Variants in STAG1 observed in about 807,000 individuals in gnomAD.
The protein encoded by STAG1 is STAG1 cohesin complex component, also known as cohesin subunit SA-1.
A neutral mutation model predicts 170.9 loss-of-function variants in STAG1; 26 were observed. The ratio of observed to expected loss-of-function variants is 0.15; its 90% CI spans 0.11 to 0.21. The LOEUF (loss-of-function observed/expected upper bound fraction) is 0.21, where lower values mean the gene tolerates loss of function less well. Among genes scored for constraint, STAG1 ranks in the 10% least tolerant of loss-of-function variants. STAG1 has a pLI of 1.00. For missense variants in STAG1, 964 were observed against 1,509.5 expected (o/e 0.64, Z 5.99); for synonymous variants, 514 against 497.7 (o/e 1.03, Z -0.44).
chr3:136,476,848 C>A (rs1027953082), intron 10 of STAG1, among the ~76,000 whole-genome samples: 1 of 152,006 alleles, frequency 6.6e-6, no homozygotes, highest in Non-Finnish European at 1.5e-5. Flanking sequence ...AGTCAGAAGG[C>A]AGAATTAGAT....
At chr3:136,586,588 C>T (rs546757759) in intron 4 of STAG1, among the ~76,000 whole-genome samples, 1 of 152,302 alleles carries the variant, frequency 6.6e-6, no homozygotes, top group East Asian at 1.9e-4. Context: ...CTTCAAGGAT[C>T]TAGCTCTAAG....
chr3:136,587,153 ACTTT>A (rs1416510839), intron 4 of STAG1, among the ~76,000 whole-genome samples: 4 of 151,702 alleles, frequency 2.6e-5, no homozygotes, highest in Non-Finnish European at 2.9e-5. Flanking sequence ...AATTTCAGAG[ACTTT>A]CTAATTATGT....
At chr3:136,691,958 C>A (rs537830448) in intron 1 of STAG1, among the ~76,000 whole-genome samples, 5 of 152,236 alleles carry the variant, frequency 3.3e-5, no homozygotes, top group African/African-American at 1.2e-4. Context: ...TATTGTCCTT[C>A]CCCAGTGAAG....
At chr3:136,613,057 C>T (rs1939383010) in intron 3 of STAG1, among the ~76,000 whole-genome samples, 1 of 152,020 alleles carries the variant, frequency 6.6e-6, no homozygotes, top group Non-Finnish European at 1.5e-5. Context: ...AATCCCAGCA[C>T]TTTGGGAGGC....
At chr3:136,655,590 C>T (rs991388025) in intron 1 of STAG1, among the ~76,000 whole-genome samples, 4 of 152,174 alleles carry the variant, frequency 2.6e-5, no homozygotes, top group Non-Finnish European at 5.9e-5. Flanking sequence ...TGGTGACACC[C>T]CATTTCTACT....
intron 23 of STAG1, among the ~76,000 whole-genome samples, chr3:136,370,132 A>C (rs1937251462): frequency 6.6e-6 from 1 of 152,048 alleles, no homozygotes. Flanking sequence ...ATGATTTTAG[A>C]GTGTACTCCT....
chr3:136,569,314 A>G (rs1223417312), intron 4 of STAG1, among the ~76,000 whole-genome samples: 1 of 151,948 alleles, frequency 6.6e-6, no homozygotes, highest in Non-Finnish European at 1.5e-5. Flanking sequence ...AAGAAATCAA[A>G]TAACTGAATT....
At chr3:136,342,940 T>C (rs756312775) in intron 30 of STAG1, among the ~76,000 whole-genome samples, 2 of 152,214 alleles carry the variant, frequency 1.3e-5, no homozygotes, top group Non-Finnish European at 2.9e-5. Flanking sequence ...CCTTCTAGGA[T>C]ACTTGGCAGC....
intron 7 of STAG1, among the ~76,000 whole-genome samples, chr3:136,516,968 C>A (rs1030456282): frequency 3.9e-5 from 6 of 152,176 alleles, no homozygotes; most frequent in Non-Finnish European, 7.3e-5. Context: ...AATAAAAAGA[C>A]TTCAATTTTC....
At chr3:136,507,453 C>T (rs1335505199) in intron 7 of STAG1, among the ~76,000 whole-genome samples, 1 of 152,070 alleles carries the variant, frequency 6.6e-6, no homozygotes, top group Non-Finnish European at 1.5e-5. Flanking sequence ...AGCCTCGACC[C>T]CCACCAGGCT....
intron 4 of STAG1, among the ~76,000 whole-genome samples, chr3:136,582,199 TG>T (rs1289141594): frequency 3.2e-5 from 2 of 62,900 alleles, no homozygotes; most frequent in Non-Finnish European, 6.1e-5. Context: ...GTTTTTTGTG[TG>T]GGGGTTGAAG....
intron 22 of STAG1, among the ~76,000 whole-genome samples, chr3:136,378,265 T>C (rs1249283673): frequency 6.6e-6 from 1 of 152,250 alleles, no homozygotes; most frequent in Non-Finnish European, 1.5e-5. Flanking sequence ...GTTCAGTTAT[T>C]GTATTAACTC....
At chr3:136,604,559 C>A (rs924755166) in intron 3 of STAG1, 86 bp from the exon 4 acceptor site, 14 of 1,167,584 alleles carry the variant, frequency 1.2e-5, no homozygotes, top group Non-Finnish European at 1.0e-5. Flanking sequence ...GAAATATAAT[C>A]CCTAACCAAA....
chr3:136,541,909 C>A (rs1661426352), intron 6 of STAG1, among the ~76,000 whole-genome samples: 1 of 152,034 alleles, frequency 6.6e-6, no homozygotes, highest in Non-Finnish European at 1.5e-5. Flanking sequence ...TTTTCTTAGC[C>A]TGCCAGTAAT....
At chr3:136,582,156 T>C (rs1329110349) in intron 4 of STAG1, among the ~76,000 whole-genome samples, 5 of 150,132 alleles carry the variant, frequency 3.3e-5, no homozygotes, top group Non-Finnish European at 4.4e-5. Flanking sequence ...CTTACCATAG[T>C]TCCTGCTATA....
intron 1 of STAG1, among the ~76,000 whole-genome samples, chr3:136,735,463 G>T (rs1308552484): frequency 2.0e-5 from 3 of 146,842 alleles, no homozygotes; most frequent in Admixed American, 2.0e-4. Flanking sequence ...TTGACGCAGG[G>T]TCTCATTTTG....
intron 12 of STAG1, 82 bp from the exon 13 acceptor site, chr3:136,465,070 A>C (rs2089413264): frequency 9.9e-7 from 1 of 1,007,724 alleles, no homozygotes; most frequent in Non-Finnish European, 1.4e-6. Context: ...GCTAAAGTTC[A>C]TTATAAAGCT....
intron 1 of STAG1, among the ~76,000 whole-genome samples, chr3:136,654,389 T>C (rs553099013): frequency 1.3e-5 from 2 of 152,306 alleles, no homozygotes; most frequent in South Asian, 2.1e-4. Context: ...GTTCCATTTA[T>C]AACAGCATCT....
chr3:136,613,653 A>AT (rs1474411120), intron 3 of STAG1, among the ~76,000 whole-genome samples: 1 of 151,880 alleles, frequency 6.6e-6, no homozygotes, highest in Non-Finnish European at 1.5e-5. Flanking sequence ...CACCCAGGTA[A>AT]TTTTTTTATT....
Sources: allele counts gnomAD v4.1 joint callset (sites outside exome capture counted in the v4.1 genomes callset), GRCh38; gene constraint gnomAD v4.1.1; transcripts MANE v1.5; gene names NCBI Gene and HGNC (gene_info 2026-07-23, HGNC 2026-07-21).